The following OR1B1 variants were observed in gnomAD, a reference collection of about 807,000 sequenced individuals.
OR1B1 encodes olfactory receptor 1B1.
For missense variants in OR1B1, 414 were observed against 402.1 expected (o/e 1.03, Z -0.25); for synonymous variants, 168 against 156.2 (o/e 1.08, Z -0.57).
At chr9:122,652,510 T>C in the OR1B1 span, among the ~76,000 whole-genome samples, 6 of 152,362 alleles carry the variant, frequency 3.9e-5, no homozygotes, top group South Asian at 1.0e-3. Context: ...AACCACATCA[T>C]CTGTTCCATA....
At chr9:122,645,359 G>A in the OR1B1 span, among the ~76,000 whole-genome samples, 9 of 152,016 alleles carry the variant, frequency 5.9e-5, no homozygotes, top group Non-Finnish European at 1.2e-4. Context: ...GAAAGAGATA[G>A]AAAGTTTATT....
the OR1B1 span, among the ~76,000 whole-genome samples, chr9:122,648,901 T>C: frequency 1.3e-5 from 2 of 152,184 alleles, no homozygotes; most frequent in Admixed American, 6.5e-5. Flanking sequence ...AAAAATCTAC[T>C]TTAAATTTCA....
At chr9:122,651,702 G>A in the OR1B1 span, among the ~76,000 whole-genome samples, 5 of 152,244 alleles carry the variant, frequency 3.3e-5, no homozygotes, top group African/African-American at 1.2e-4. Context: ...AGAAAAGGAT[G>A]TTTCCTAGTT....
chr9:122,640,800 G>A, the OR1B1 span, among the ~76,000 whole-genome samples: 4 of 152,076 alleles, frequency 2.6e-5, no homozygotes, highest in Non-Finnish European at 5.9e-5. Flanking sequence ...GCTAGATTAA[G>A]TACATCAGGT....
chr9:122,640,910 T>C, the OR1B1 span, among the ~76,000 whole-genome samples: 2 of 152,144 alleles, frequency 1.3e-5, no homozygotes, highest in Admixed American at 6.5e-5. Context: ...GATGGGACAT[T>C]AAGACACATC....
the OR1B1 span, among the ~76,000 whole-genome samples, chr9:122,648,816 C>T: frequency 2.6e-5 from 4 of 152,128 alleles, no homozygotes; most frequent in African/African-American, 9.7e-5. Flanking sequence ...ATGAAAATGG[C>T]TATACTGCCC....
the OR1B1 span, chr9:122,639,720 C>A: frequency 2.7e-5 from 4 of 149,356 alleles, no homozygotes; most frequent in African/African-American, 7.3e-5. Flanking sequence ...AATTTAATTT[C>A]AATATATATT....
In OR1B1 at chr9:122,628,762, G is replaced by A. The variant is rs142453546; in HGVS notation, c.774C>T (p.Tyr258=). ...GGAAGTAGACACAAATGATGGTGCC[G>A]TAGAGGAAACCAACCATGGTGAGGT... Residue 258 remains tyrosine (Y), a synonymous_variant, in exon 1 of 1, where the codon TAC becomes TAT. Coordinates refer to ENST00000623530, the Ensembl canonical transcript of OR1B1. 7.9e-5 allele frequency: 128 copies of A among 1,614,124 alleles called. 1 individual carries two copies. Among genetic ancestry groups the A allele is most frequent in the South Asian group, 2.5e-4 (23 of 91,078 alleles).
chr9:122,655,208 G>A, the OR1B1 span, among the ~76,000 whole-genome samples: 7 of 152,070 alleles, frequency 4.6e-5, no homozygotes, highest in Admixed American at 1.3e-4. Flanking sequence ...GTGTGATGAG[G>A]GGTCAAAGAG....
chr9:122,634,032 G>A (rs574161562), upstream of OR1B1, among the ~76,000 whole-genome samples: 3 of 149,674 alleles, frequency 2.0e-5, no homozygotes, highest in East Asian at 2.0e-4. Flanking sequence ...GAGAAACCTC[G>A]TCCCTACTAA....
At chr9:122,629,130 A>G (rs1536928) in exon 1 of OR1B1, 791,159 of 1,613,356 alleles carry the variant, frequency 0.49, 197,698 homozygotes, top group Non-Finnish European at 0.51. Flanking sequence ...TTCATTACCA[A>G]AGCATAGTGC....
chr9:122,629,036 G>C (rs1830172594), exon 1 of OR1B1: 1 of 1,614,004 alleles, frequency 6.2e-7, no homozygotes, highest in Admixed American at 1.7e-5. Flanking sequence ...CCAGCAAAGA[G>C]GCAGGACGAG....
At chr9:122,654,489 TTTTG>T in the OR1B1 span, among the ~76,000 whole-genome samples, 1 of 152,246 alleles carries the variant, frequency 6.6e-6, no homozygotes, top group African/African-American at 2.4e-5. Flanking sequence ...TTGACAATAT[TTTTG>T]TTTTTCATTT....
the OR1B1 span, among the ~76,000 whole-genome samples, chr9:122,647,685 T>C: frequency 6.6e-6 from 1 of 152,202 alleles, no homozygotes; most frequent in Non-Finnish European, 1.5e-5. Flanking sequence ...TGAATCCAGG[T>C]TTTTCAGCTG....
the OR1B1 span, among the ~76,000 whole-genome samples, chr9:122,655,699 G>C: frequency 3.4e-5 from 5 of 147,018 alleles, no homozygotes; most frequent in South Asian, 2.3e-4. Flanking sequence ...GGGTTGGGGT[G>C]GGGGGAGGGA....
chr9:122,639,138 C>T, the OR1B1 span, among the ~76,000 whole-genome samples: 1 of 152,082 alleles, frequency 6.6e-6, no homozygotes, highest in Non-Finnish European at 1.5e-5. Flanking sequence ...CATCACCTCC[C>T]CGTTACCTCC....
chr9:122,655,231 GA>G, the OR1B1 span, among the ~76,000 whole-genome samples: 1 of 152,208 alleles, frequency 6.6e-6, no homozygotes, highest in East Asian at 1.9e-4. Flanking sequence ...AGGAAAAAAG[GA>G]AAATACAGCA....
the OR1B1 span, among the ~76,000 whole-genome samples, chr9:122,645,877 G>A: frequency 6.6e-6 from 1 of 152,078 alleles, no homozygotes; most frequent in Non-Finnish European, 1.5e-5. Context: ...GTAATAGTAA[G>A]CACCTAGGAA....
the OR1B1 span, among the ~76,000 whole-genome samples, chr9:122,653,071 AACAG>A: frequency 4.6e-5 from 7 of 152,220 alleles, no homozygotes; most frequent in Non-Finnish European, 8.8e-5. Flanking sequence ...GCCCAAGATA[AACAG>A]ACAGTCATAA....
Sources: allele counts gnomAD v4.1 joint callset (sites outside exome capture counted in the v4.1 genomes callset), GRCh38; gene constraint gnomAD v4.1.1; transcripts MANE v1.5; gene names NCBI Gene and HGNC (gene_info 2026-07-23, HGNC 2026-07-21).